The following FMO5 variants were observed in gnomAD, a reference collection of about 807,000 sequenced individuals.
FMO5 encodes flavin-containing monooxygenase 5.
Under a neutral mutation model 43.6 loss-of-function variants are expected in FMO5, and 51 were observed. The ratio of observed to expected loss-of-function variants is 1.17; its 90% confidence interval spans 0.93 to 1.48. FMO5 has a LOEUF of 1.48. FMO5 is among the 40% of genes most tolerant of loss of function. The pLI, the probability that FMO5 is intolerant of heterozygous loss-of-function variation, is 0.00. For missense variants in FMO5, 644 were observed against 643.0 expected (o/e 1.00, Z -0.02); for synonymous variants, 187 against 216.5 (o/e 0.86, Z 1.20).
chr1:147,190,635 A>G (rs1656538209), intron 7 of FMO5, among the ~76,000 whole-genome samples: 1 of 152,164 alleles, frequency 6.6e-6, no homozygotes, highest in African/African-American at 2.4e-5. Flanking sequence ...ATTCTTGATA[A>G]CAAAGGGACC....
intron 7 of FMO5, among the ~76,000 whole-genome samples, chr1:147,199,642 C>G (rs1465016755): frequency 2.0e-5 from 3 of 152,086 alleles, no homozygotes; most frequent in African/African-American, 7.2e-5. Context: ...AACTGTTCTC[C>G]GCTTATGTAA....
At chr1:147,191,876 C>G (rs9725446) in intron 7 of FMO5, among the ~76,000 whole-genome samples, 5,478 of 151,812 alleles carry the variant, frequency 0.036, 150 homozygotes, top group South Asian at 0.093. Flanking sequence ...CTATATCTCC[C>G]TTTTGGTACC....
upstream of FMO5, chr1:147,225,400 G>A: frequency 4.7e-6 from 1 of 214,340 alleles, no homozygotes; most frequent in South Asian, 8.1e-5. Context: ...AGAGCCAACG[G>A]GGAGGGGCTG....
intron 6 of FMO5, among the ~76,000 whole-genome samples, chr1:147,205,330 T>C (rs587620154): frequency 5.3e-5 from 8 of 152,354 alleles, no homozygotes; most frequent in Admixed American, 3.3e-4. Flanking sequence ...ATGGTATCTA[T>C]ACCACCTTAT....
At chr1:147,225,168 T>C (rs1330782973) in intron 1 of FMO5, 102 bp from the exon 2 acceptor site, 10 of 1,516,414 alleles carry the variant, frequency 6.6e-6, no homozygotes, top group Non-Finnish European at 8.8e-7. Flanking sequence ...AAGAGGTGTC[T>C]TGAGGAGGAC....
At chr1:147,217,129 A>G (rs1473205922) in intron 2 of FMO5, among the ~76,000 whole-genome samples, 6 of 152,114 alleles carry the variant, frequency 3.9e-5, no homozygotes, top group African/African-American at 1.4e-4. Context: ...AATCCCAGCT[A>G]GTCGGGGGGC....
At chr1:147,223,064 A>G (rs1553926651) in intron 2 of FMO5, among the ~76,000 whole-genome samples, 2 of 152,238 alleles carry the variant, frequency 1.3e-5, no homozygotes, top group African/African-American at 4.8e-5. Flanking sequence ...AGTGGATACT[A>G]TTATTATCCA....
At chr1:147,214,093 T>C (rs1238551635) in intron 3 of FMO5, among the ~76,000 whole-genome samples, 1 of 152,158 alleles carries the variant, frequency 6.6e-6, no homozygotes, top group Non-Finnish European at 1.5e-5. Flanking sequence ...GTTACCCTAC[T>C]TAGGTTAAGG....
At chr1:147,197,787 C>G (rs781873403) in intron 7 of FMO5, among the ~76,000 whole-genome samples, 1 of 152,188 alleles carries the variant, frequency 6.6e-6, no homozygotes, top group African/African-American at 2.4e-5. Context: ...CTAACACAGT[C>G]TTCCTTGCTT....
At position 147,186,521 on chromosome 1, in the gene FMO5, C is replaced by T. The variant is rs1247250458; in HGVS notation, c.*379G>A. 10 of 996,536 alleles carry T rather than the reference C, an allele frequency of 1.0e-5. No homozygotes were observed. In the South Asian group the frequency reaches 1.4e-4, roughly 14 times the overall value. The allele number at this position is 996,536 out of a possible 1,614,324, so 61.7% of individuals were successfully genotyped here. ...TCAAACCCTATCAGAAGAAGAGTTA[C>T]GTGGAGTAAGCGATTTTATACCGAT... On this transcript the variant is annotated 3_prime_UTR_variant, in exon 9 of 9. Coordinates refer to ENST00000254090, the MANE Select transcript of FMO5 (RefSeq NM_001461.4).
chr1:147,207,355 T>C (rs1235367371), intron 6 of FMO5, among the ~76,000 whole-genome samples: 5 of 152,196 alleles, frequency 3.3e-5, no homozygotes, highest in African/African-American at 1.2e-4. Context: ...ATTGTACTTA[T>C]TATTTTGCAA....
At chr1:147,204,066 C>T in intron 6 of FMO5, 1 of 1,149,016 alleles carries the variant, frequency 8.7e-7, no homozygotes, top group Non-Finnish European at 1.3e-6. Context: ...GTTACTACAA[C>T]ATTTGCACCA....
intron 2 of FMO5, among the ~76,000 whole-genome samples, chr1:147,220,943 C>CAAAA (rs1662895105): frequency 1.8e-5 from 1 of 54,266 alleles, no homozygotes; most frequent in Non-Finnish European, 3.4e-5. Context: ...TTTTAAGTTT[C>CAAAA]CAAAAAAAAA....
chr1:147,187,017 G>A lies in FMO5; in HGVS notation c.1485C>T (p.Ile495=). ...RKAILTTDDR[I]RKPLMTRVVE... ...CTACTCTTGTCATCAGAGGCTTCCT[G>A]ATGCGATCATCTGTGGTGAGGATAG... The change falls in exon 9 of 9, where the codon ATC becomes ATT. Residue 495 remains isoleucine (I), a synonymous_variant. Transcript: ENST00000254090. 6.2e-7 allele frequency: 1 copy of A among 1,614,184 alleles called. No individual in the cohort carries two copies. The highest frequency in any genetic ancestry group is 8.5e-7 in the Non-Finnish European group (1 of 1,180,024).
At chr1:147,206,186 T>C (rs61841672) in intron 6 of FMO5, among the ~76,000 whole-genome samples, 1 of 150,422 alleles carries the variant, frequency 6.6e-6, no homozygotes, top group Non-Finnish European at 1.5e-5. Flanking sequence ...TCACTGGCCA[T>C]CAGAGAAATG....
In FMO5 at chr1:147,208,941, G is replaced by T. The variant is rs1553923080; in HGVS notation, c.741C>A (p.Ile247=). Residue 247 remains isoleucine (I), a synonymous_variant, in exon 6 of 9, where the codon ATC becomes ATA. Coordinates refer to ENST00000254090, the MANE Select transcript of FMO5 (RefSeq NM_001461.4). ...ATTTGTTTGCTAATGATTGGCCACA[G>T]ATCTTCCATATAAAATGTGTAAGTC... ...SSRLTHFIWK[I]CGQSLANKYL... The T allele has an allele frequency of 1.9e-6, 3 of 1,613,918 alleles. No homozygotes were observed. The highest frequency in any genetic ancestry group is 1.7e-5 in the Admixed American group (1 of 59,990).
chr1:147,205,944 C>A (rs1333552776), intron 6 of FMO5, among the ~76,000 whole-genome samples: 1 of 151,994 alleles, frequency 6.6e-6, no homozygotes, highest in African/African-American at 2.4e-5. Flanking sequence ...AGAGCTTCTG[C>A]ACAGCAAAAG....
At chr1:147,189,372 A>G (rs782573455) in intron 8 of FMO5, among the ~76,000 whole-genome samples, 2 of 152,040 alleles carry the variant, frequency 1.3e-5, no homozygotes, top group Non-Finnish European at 2.9e-5. Flanking sequence ...TTTAGTGCAG[A>G]GGTTTGGCAG....
rs1553917259 is a variant in FMO5, at chr1:147,187,037, G to A, written c.1465C>T (p.Leu489Phe). 3.1e-6 allele frequency: 5 copies of A among 1,614,174 alleles called. 1 individual carries two copies. The South Asian group carries it at 3.3e-5, about 11-fold the overall frequency. ...GKWDGARKAI[L>F]TTDDRIRKPL... ...TTCCTGATGCGATCATCTGTGGTGAGGATAGCTTTTCGAGCCCCATCCCAC... is the reference window on the plus strand; with the variant it reads ...TTCCTGATGCGATCATCTGTGGTGAAGATAGCTTTTCGAGCCCCATCCCAC... The change falls in exon 9 of 9, where the codon CTC becomes TTC. Residue 489 changes from leucine (L) to phenylalanine (F), a missense_variant. Transcript: ENST00000254090.
Sources: allele counts gnomAD v4.1 joint callset (sites outside exome capture counted in the v4.1 genomes callset), GRCh38; gene constraint gnomAD v4.1.1; transcripts MANE v1.5; gene names NCBI Gene and HGNC (gene_info 2026-07-23, HGNC 2026-07-21).